ZGRF1: variants seen among roughly 807,000 people sequenced by gnomAD.
ZGRF1 encodes 5'-3' DNA helicase ZGRF1.
A neutral mutation model predicts 203.5 loss-of-function variants in ZGRF1; 196 were observed. That is an observed-to-expected ratio of 0.96 (90% CI 0.86 to 1.08). The LOEUF is 1.08. Ranked by LOEUF, ZGRF1 falls within the 50% of genes least tolerant of loss-of-function variation. ZGRF1 has a pLI of 0.00. For missense variants in ZGRF1, 2,326 were observed against 2,416.3 expected (o/e 0.96, Z 0.78); for synonymous variants, 809 against 841.3 (o/e 0.96, Z 0.66).
At chr4:112,624,444 G>A (rs1186661668) in intron 3 of ZGRF1, among the ~76,000 whole-genome samples, 3 of 151,522 alleles carry the variant, frequency 2.0e-5, no homozygotes, top group Admixed American at 1.3e-4. Flanking sequence ...GCAACAGAGT[G>A]AGACTCCATC....
At chr4:112,564,968 A>G (rs1277934898) in intron 16 of ZGRF1, 3 of 831,440 alleles carry the variant, frequency 3.6e-6, no homozygotes, top group Non-Finnish European at 6.4e-6. Flanking sequence ...AAATGAGGTA[A>G]GTAAGGAGGT....
rs1578360395 is a variant in ZGRF1 at position 112,584,270 on chromosome 4, G to C, written c.4102-96C>G. The C allele has an allele frequency of 7.2e-6, 5 of 691,278 alleles. No homozygotes were observed. The East Asian group carries it at 1.2e-4, about 16-fold the overall frequency. 42.8% of individuals were successfully genotyped at this position (691,278 alleles called of 1,614,324 possible). A position where few individuals can be genotyped will look rare whatever the true frequency, so the allele number is the denominator to read the frequency against. On this transcript the variant is annotated intron_variant, in intron 14 of 27. Coordinates refer to ENST00000505019, the MANE Select transcript of ZGRF1 (RefSeq NM_018392.5). Reference sequence around the variant, plus strand: ...GTCAAGGCTTCTATGAAGACTGCTTGGCATTACTGTACTCCAGTAAATTAG... The same window carrying C: ...GTCAAGGCTTCTATGAAGACTGCTTCGCATTACTGTACTCCAGTAAATTAG...
intron 3 of ZGRF1, among the ~76,000 whole-genome samples, chr4:112,627,715 G>A: frequency 6.6e-6 from 1 of 152,174 alleles, no homozygotes; most frequent in East Asian, 1.9e-4. Context: ...ACTCCAGCCT[G>A]GGTGACAGTG....
At chr4:112,565,281 G>A in intron 16 of ZGRF1, 2 of 1,551,884 alleles carry the variant, frequency 1.3e-6, no homozygotes, top group Admixed American at 3.4e-5. Context: ...AGGCAAGTGA[G>A]GCCTATCTGG....
chr4:112,570,575 A>C (rs1398116148), intron 16 of ZGRF1, among the ~76,000 whole-genome samples: 4 of 152,122 alleles, frequency 2.6e-5, no homozygotes, highest in Non-Finnish European at 4.4e-5. Flanking sequence ...ACAGAGCAAG[A>C]CTCTGTCTCA....
chr4:112,562,844 T>C (rs1485761567), intron 17 of ZGRF1, among the ~76,000 whole-genome samples: 1 of 152,254 alleles, frequency 6.6e-6, no homozygotes, highest in East Asian at 1.9e-4. Context: ...ATTTGTATAA[T>C]TTTTAAACAC....
At chr4:112,541,357 T>A in intron 24 of ZGRF1, 89 bp from the exon 25 acceptor site, 1 of 643,204 alleles carries the variant, frequency 1.6e-6, no homozygotes, top group Non-Finnish European at 2.5e-6. Context: ...AAAATATCGC[T>A]ATATTATGGT....
rs2047469993 is a variant in ZGRF1, at chr4:112,633,199, C to G, written c.-23G>C. ...CATTATTTCTTCTGAAGTTATAAAC[C>G]AGCTGGGTCCAGAAAATAGGAAATA... On this transcript the variant is annotated 5_prime_UTR_variant, in exon 2 of 28. Transcript: ENST00000505019. The G allele has an allele frequency of 1.3e-6, 2 of 1,596,982 alleles. No homozygotes were observed. Among genetic ancestry groups the G allele is most frequent in the African/African-American group, 2.7e-5 (2 of 74,426 alleles).
At position 112,583,097 on chromosome 4, in the gene ZGRF1, C is replaced by T. The variant is rs534396675; in HGVS notation, c.4298+881G>A. ...ACTATAAAACGGGAATAACTTATTC[C>T]GATATCTCCATCTTACGGGCTATTA... is the stretch of plus-strand genomic sequence containing the variant. On this transcript the variant is annotated intron_variant, in intron 15 of 27. Transcript: ENST00000505019. Among the ~76,000 whole-genome samples the T allele has an allele frequency of 1.2e-4, 19 of 152,106 alleles. No homozygotes were observed. The South Asian group carries it at 3.5e-3, about 28-fold the overall frequency.
At chr4:112,587,974 T>C (rs1747515708) in intron 11 of ZGRF1, 45 bp from the exon 12 acceptor site, 1 of 1,419,458 alleles carries the variant, frequency 7.0e-7, no homozygotes, top group Non-Finnish European at 9.4e-7. Flanking sequence ...GTTCTACTAG[T>C]TATCACCTAG....
chr4:112,626,809 T>A (rs1197016454), intron 3 of ZGRF1, among the ~76,000 whole-genome samples: 1 of 152,088 alleles, frequency 6.6e-6, no homozygotes, highest in African/African-American at 2.4e-5. Context: ...TTTATTTATT[T>A]ATTTTTCTTT....
intron 11 of ZGRF1, 200 bp downstream of exon 11, chr4:112,589,524 C>A: frequency 3.6e-6 from 2 of 561,620 alleles, no homozygotes; most frequent in South Asian, 5.5e-5. Context: ...CAAGAAGGAA[C>A]TAGATAGCTA....
At chr4:112,599,591 G>A (rs1014867899) in intron 10 of ZGRF1, among the ~76,000 whole-genome samples, 19 of 151,954 alleles carry the variant, frequency 1.3e-4, no homozygotes, top group African/African-American at 4.6e-4. Flanking sequence ...GCATGGTGGT[G>A]TGTGCCTACA....
rs757100435 is a variant in ZGRF1, at chr4:112,586,579, A to ATC, written c.3780_3781dup (p.Ile1261ArgfsTer2). On this transcript the variant is annotated frameshift_variant, in exon 13 of 28. Transcript: ENST00000505019. LOFTEE classifies it high-confidence loss of function. The stretch of plus-strand genomic sequence containing the variant: ...TGGAAAGCACAGCTCAGAGCCACTT[A>ATC]TCTCCTGCAATGGAATAATTCAAGT... 23 of 1,602,200 alleles carry ATC rather than the reference A, an allele frequency of 1.4e-5. No individual in the cohort carries two copies. The highest frequency in any genetic ancestry group is 2.6e-6 in the Non-Finnish European group (3 of 1,173,362).
At position 112,612,571 on chromosome 4, in the gene ZGRF1, TA is replaced by T; in HGVS notation, c.2619del (p.Thr874GlnfsTer2). 6.2e-7 allele frequency: 1 copy of T among 1,602,918 alleles called. No individual in the cohort carries two copies. Among genetic ancestry groups the T allele is most frequent in the Non-Finnish European group, 8.5e-7 (1 of 1,171,200 alleles). On this transcript the variant is annotated frameshift_variant, in exon 7 of 28. Transcript: ENST00000505019. LOFTEE classifies it high-confidence loss of function. Reference sequence around the variant, plus strand: ...TGAGGAGACTTTGGTGAAACTACTGTAATAAATGGTTTCCTCACTGTAATGG... The same window carrying T: ...TGAGGAGACTTTGGTGAAACTACTGTATAAATGGTTTCCTCACTGTAATGG... Reference protein sequence around the residue: ...DSPPEVRKPFITVVSPKSPHL... With the variant: ...DSPPEVRKPFXTVVSPKSPHL...
At chr4:112,628,731 T>C (rs2047315441) in intron 3 of ZGRF1, 2 of 452,592 alleles carry the variant, frequency 4.4e-6, no homozygotes, top group Non-Finnish European at 8.9e-6. Flanking sequence ...TAGTTGAAGA[T>C]AAAGTTGGAT....
rs146946369 is a variant in ZGRF1 at position 112,617,656 on chromosome 4, G to T, written c.2386C>A (p.Pro796Thr). 1 of 1,613,698 alleles carries T rather than the reference G, an allele frequency of 6.2e-7. No individual in the cohort carries two copies. The highest frequency in any genetic ancestry group is 1.3e-5 in the African/African-American group (1 of 74,914). Residue 796 changes from proline to threonine, a missense_variant, in exon 6 of 28, where the codon CCT (proline) becomes ACT (threonine). Physicochemically the swap from Pro to Thr is conservative, Grantham distance 38. Transcript: ENST00000505019. ...EDLGKIRSPP[P>T]DHVEVETARE... ...GCAGTTTCAACCTCAACATGGTCAGGGGGTGGACTTCTAATCTTTCCCAAA... is the reference window on the plus strand; with the variant it reads ...GCAGTTTCAACCTCAACATGGTCAGTGGGTGGACTTCTAATCTTTCCCAAA...
intron 2 of ZGRF1, 21 bp from the exon 3 acceptor site, chr4:112,632,031 A>G (rs764924115): frequency 1.6e-6 from 2 of 1,250,512 alleles, no homozygotes; most frequent in Admixed American, 2.3e-5. Flanking sequence ...AAAATACAAA[A>G]GAAATGGTTT....
chr4:112,599,721 A>T (rs1749629724), intron 10 of ZGRF1, among the ~76,000 whole-genome samples: 1 of 150,882 alleles, frequency 6.6e-6, no homozygotes, highest in Non-Finnish European at 1.5e-5. Flanking sequence ...GATTCTGTTT[A>T]AAAAAAAAGG....
Sources: allele counts gnomAD v4.1 joint callset (sites outside exome capture counted in the v4.1 genomes callset), GRCh38; gene constraint gnomAD v4.1.1; transcripts MANE v1.5; gene names NCBI Gene and HGNC (gene_info 2026-07-23, HGNC 2026-07-21).